Variants in MACROD2 observed in about 807,000 individuals in gnomAD.
MACROD2 encodes the protein ADP-ribose glycohydrolase MACROD2.
In MACROD2, 36 loss-of-function variants were observed where a neutral mutation model predicts 70.4. The ratio of observed to expected loss-of-function variants is 0.51; its 90% CI spans 0.39 to 0.68. The LOEUF is 0.68. MACROD2 is among the 30% of genes least tolerant of loss of function. The pLI is 0.00. For missense variants in MACROD2, 496 were observed against 538.4 expected, an observed-to-expected ratio of 0.92 and a Z score of 0.78; for synonymous variants, 172 against 178.8, an observed-to-expected ratio of 0.96 and a Z score of 0.30.
chr20:15,876,865 T>G (rs1339050001), intron 9 of MACROD2, among the ~76,000 whole-genome samples: 1 of 152,148 alleles, frequency 6.6e-6, no homozygotes, highest in Non-Finnish European at 1.5e-5. Context: ...TGATGGCCAT[T>G]GATGATGATC....
chr20:15,773,507 T>A (rs1005606660), intron 8 of MACROD2, among the ~76,000 whole-genome samples: 2 of 152,130 alleles, frequency 1.3e-5, no homozygotes, highest in African/African-American at 4.8e-5. Context: ...ACAGCTTTCA[T>A]CTAAAATGAT....
intron 3 of MACROD2, among the ~76,000 whole-genome samples, chr20:14,298,406 A>G (rs2082445364): frequency 6.6e-6 from 1 of 151,622 alleles, no homozygotes; most frequent in Admixed American, 6.6e-5. Context: ...CATCTCTACT[A>G]AAAATACAAA....
chr20:15,639,328 G>A (rs554011904), intron 8 of MACROD2, among the ~76,000 whole-genome samples: 6 of 152,188 alleles, frequency 3.9e-5, no homozygotes, highest in African/African-American at 9.7e-5. Context: ...AACTGCTCAC[G>A]ACCTGCATCG....
chr20:15,112,950 C>CTGTGTGTATGTGTGTG (rs2075965682), intron 5 of MACROD2, among the ~76,000 whole-genome samples: 1 of 146,002 alleles, frequency 6.8e-6, no homozygotes, highest in Non-Finnish European at 1.5e-5. Context: ...TAATATTTCA[C>CTGTGTGTATGTGTGTG]TGTGTGTGTG....
chr20:15,606,556 A>G (rs2048896205), intron 8 of MACROD2, among the ~76,000 whole-genome samples: 2 of 152,176 alleles, frequency 1.3e-5, no homozygotes, highest in Non-Finnish European at 2.9e-5. Flanking sequence ...TTGTGTCCCA[A>G]CGCACTAATT....
rs1278037260 is a variant in MACROD2 at position 15,087,674 on chromosome 20, A to AT, written c.419-142264dup. Reference sequence around the variant, plus strand: ...AGAGGACTTATTAAGAAAGACATTGATTAAAAAGGTGCGATACATATTTGA... The same window carrying AT: ...AGAGGACTTATTAAGAAAGACATTGATTTAAAAAGGTGCGATACATATTTGA... On this transcript the variant is annotated intron_variant, in intron 5 of 17. Transcript: ENST00000684519. Among the ~76,000 whole-genome samples, 17 of 152,128 alleles carry AT rather than the reference A, an allele frequency of 1.1e-4. No homozygotes were observed. In the East Asian group the frequency reaches 3.3e-3, roughly 29 times the overall value.
At chr20:15,417,065 C>G (rs1205765385) in intron 6 of MACROD2, among the ~76,000 whole-genome samples, 1 of 152,102 alleles carries the variant, frequency 6.6e-6, no homozygotes, top group Non-Finnish European at 1.5e-5. Context: ...CGTGTCAAGA[C>G]TCTGCAGGCG....
chr20:15,851,042 T>A (rs576995740), intron 8 of MACROD2, among the ~76,000 whole-genome samples: 9 of 151,778 alleles, frequency 5.9e-5, no homozygotes, highest in African/African-American at 2.2e-4. Context: ...ACGTTGGAAA[T>A]GATGGAAAAA....
chr20:15,740,317 A>G (rs13036467), intron 8 of MACROD2, among the ~76,000 whole-genome samples: 68,256 of 151,968 alleles, frequency 0.45, 16,138 homozygotes, highest in East Asian at 0.69. Context: ...GGTAAAAACA[A>G]TGGCAGTCTT....
chr20:14,006,301 C>T (rs2052819174), intron 2 of MACROD2, among the ~76,000 whole-genome samples: 1 of 152,146 alleles, frequency 6.6e-6, no homozygotes, highest in Non-Finnish European at 1.5e-5. Context: ...CTGACTGTAG[C>T]AATGCATCCA....
chr20:14,556,827 T>G (rs1171863121), intron 4 of MACROD2, among the ~76,000 whole-genome samples: 1 of 151,994 alleles, frequency 6.6e-6, no homozygotes, highest in Non-Finnish European at 1.5e-5. Flanking sequence ...AGTAATAAAA[T>G]GACAGTCTTA....
intron 13 of MACROD2, among the ~76,000 whole-genome samples, chr20:15,985,467 A>C (rs1189823841): frequency 2.0e-5 from 3 of 152,236 alleles, no homozygotes; most frequent in Non-Finnish European, 4.4e-5. Flanking sequence ...TCTTCCACTC[A>C]GATGGAGTGG....
intron 5 of MACROD2, among the ~76,000 whole-genome samples, chr20:14,923,724 G>A (rs1188687889): frequency 2.0e-5 from 3 of 148,096 alleles, no homozygotes; most frequent in Non-Finnish European, 4.5e-5. Context: ...GTGACGGCAC[G>A]GGCCTCCAGG....
chr20:15,611,290 A>C (rs568247103), intron 8 of MACROD2, among the ~76,000 whole-genome samples: 7 of 152,220 alleles, frequency 4.6e-5, no homozygotes, highest in African/African-American at 1.4e-4. Flanking sequence ...TGCCTCCCCC[A>C]AAAAATGCCC....
At chr20:15,980,519 A>G (rs1407233044) in intron 13 of MACROD2, among the ~76,000 whole-genome samples, 1 of 152,212 alleles carries the variant, frequency 6.6e-6, no homozygotes, top group Non-Finnish European at 1.5e-5. Context: ...AAAGAAGCAC[A>G]GGTAGCAAAC....
At position 15,451,066 on chromosome 20, in the gene MACROD2, G is replaced by A. The variant is rs76310744; in HGVS notation, c.571+19631G>A. On this transcript the variant is annotated intron_variant, in intron 7 of 17. Transcript: ENST00000684519. ...AAAAAGGTCGTATCTTCTAGGAGGG[G>A]ATAAGTAACATAAGTTATTTTGCAA... Among the ~76,000 whole-genome samples the A allele has an allele frequency of 8.5e-3, 1,290 of 152,188 alleles. 23 individuals carry two copies. Among genetic ancestry groups the A allele is most frequent in the African/African-American group, 0.028 (1,177 of 41,518 alleles).
intron 5 of MACROD2, among the ~76,000 whole-genome samples, chr20:14,954,800 A>AT: frequency 3.0e-5 from 2 of 66,568 alleles, no homozygotes; most frequent in Non-Finnish European, 6.1e-5. Context: ...TAAATATATA[A>AT]ATAAATTTTA....
At chr20:15,359,850 C>T (rs1006794077) in intron 6 of MACROD2, among the ~76,000 whole-genome samples, 1 of 151,998 alleles carries the variant, frequency 6.6e-6, no homozygotes, top group East Asian at 1.9e-4. Flanking sequence ...GTTTCTTTAC[C>T]AAAACTAGGA....
At chr20:14,877,331 T>C (rs2071565513) in intron 5 of MACROD2, among the ~76,000 whole-genome samples, 1 of 152,048 alleles carries the variant, frequency 6.6e-6, no homozygotes, top group South Asian at 2.1e-4. Context: ...CTAAAGTCAT[T>C]GTTCAATTCT....
Sources: allele counts gnomAD v4.1 joint callset (sites outside exome capture counted in the v4.1 genomes callset), GRCh38; gene constraint gnomAD v4.1.1; transcripts MANE v1.5; gene names NCBI Gene and HGNC (gene_info 2026-07-23, HGNC 2026-07-21).